The following CNIH3 variants were observed in gnomAD, a reference collection of about 807,000 sequenced individuals.
CNIH3 encodes protein cornichon homolog 3.
CNIH3 carries 14 observed loss-of-function variants against 24.1 expected under a neutral mutation model. The observed-to-expected ratio is 0.58, with a 90% CI of 0.38 to 0.91. CNIH3 has a LOEUF of 0.91. Ranked by LOEUF, CNIH3 falls within the 40% of genes least tolerant of loss-of-function variation. The pLI is 0.00. For missense variants in CNIH3, 178 were observed against 196.8 expected (o/e 0.90, Z 0.57); for synonymous variants, 68 against 73.8 (o/e 0.92, Z 0.40).
intron 1 of CNIH3, among the ~76,000 whole-genome samples, chr1:224,475,365 AAG>A (rs1445325798): frequency 2.7e-5 from 4 of 148,886 alleles, no homozygotes; most frequent in Non-Finnish European, 4.4e-5. Flanking sequence ...CAAAAAAAAA[AAG>A]AAAAGAAAAG....
chr1:224,448,739 G>T (rs921159468), intron 1 of CNIH3, among the ~76,000 whole-genome samples: 1 of 152,108 alleles, frequency 6.6e-6, no homozygotes, highest in Admixed American at 6.6e-5. Context: ...ACTTCTGTAC[G>T]CATTTACTTA....
At chr1:224,694,125 C>T (rs955709002) in intron 3 of CNIH3, among the ~76,000 whole-genome samples, 1 of 152,224 alleles carries the variant, frequency 6.6e-6, no homozygotes, top group African/African-American at 2.4e-5. Context: ...GAGAAGTTGA[C>T]AGCAGACAGA....
At chr1:224,628,485 C>T (rs901185529) in intron 1 of CNIH3, among the ~76,000 whole-genome samples, 2 of 152,078 alleles carry the variant, frequency 1.3e-5, no homozygotes, top group Non-Finnish European at 2.9e-5. Context: ...TACCTTGTCC[C>T]TCTAAACTGA....
intron 2 of CNIH3, among the ~76,000 whole-genome samples, chr1:224,535,446 T>TTTG (rs747932028): frequency 1.3e-5 from 2 of 152,354 alleles, no homozygotes; most frequent in Non-Finnish European, 2.9e-5. Flanking sequence ...CATATAGTAG[T>TTTG]TTGTTACAGC....
intron 1 of CNIH3, among the ~76,000 whole-genome samples, chr1:224,670,684 A>G (rs1685820490): frequency 6.6e-6 from 1 of 152,194 alleles, no homozygotes; most frequent in Admixed American, 6.5e-5. Flanking sequence ...AGTGTGTGCC[A>G]AGATGTGGGA....
intron 3 of CNIH3, among the ~76,000 whole-genome samples, chr1:224,605,748 T>G (rs1682390396): frequency 6.6e-6 from 1 of 151,942 alleles, no homozygotes; most frequent in African/African-American, 2.4e-5. Flanking sequence ...GCATGAGGAC[T>G]GTTTTCCACA....
chr1:224,453,655 G>C (rs1675523777), intron 1 of CNIH3, among the ~76,000 whole-genome samples: 1 of 151,260 alleles, frequency 6.6e-6, no homozygotes, highest in Non-Finnish European at 1.5e-5. Context: ...TTTAGAGATG[G>C]GTTCTTGTTA....
chr1:224,668,184 G>A (rs1044563240), intron 1 of CNIH3, among the ~76,000 whole-genome samples: 7 of 152,220 alleles, frequency 4.6e-5, no homozygotes, highest in African/African-American at 1.7e-4. Context: ...GATCAATGAT[G>A]ATGTCTCAAA....
At chr1:224,736,955 G>A (rs1689622884) in intron 5 of CNIH3, among the ~76,000 whole-genome samples, 1 of 152,176 alleles carries the variant, frequency 6.6e-6, no homozygotes, top group African/African-American at 2.4e-5. Flanking sequence ...TGGAGCCACA[G>A]ACTTCCCCTT....
chr1:224,585,222 G>A (rs1316322088), intron 5 of CNIH3, among the ~76,000 whole-genome samples: 2 of 152,034 alleles, frequency 1.3e-5, no homozygotes, highest in Admixed American at 6.6e-5. Flanking sequence ...TCCCTAGATC[G>A]AATCCTACTC....
At chr1:224,542,444 G>A (rs919863663), downstream of CNIH3, among the ~76,000 whole-genome samples, 1 of 152,168 alleles carries the variant, frequency 6.6e-6, no homozygotes, top group Non-Finnish European at 1.5e-5. Context: ...ACCAGTGTGG[G>A]TGTCTGAAGA....
At chr1:224,663,577 CACAA>C (rs1470601731) in intron 1 of CNIH3, among the ~76,000 whole-genome samples, 1 of 152,202 alleles carries the variant, frequency 6.6e-6, no homozygotes, top group Non-Finnish European at 1.5e-5. Context: ...TGTGTATACA[CACAA>C]ACAATCACTA....
chr1:224,506,287 GCACA>G (rs56331612), intron 1 of CNIH3, among the ~76,000 whole-genome samples: 6 of 147,326 alleles, frequency 4.1e-5, no homozygotes, highest in African/African-American at 1.5e-4. Context: ...GCGCGCGCGC[GCACA>G]CACACACACA....
intron 1 of CNIH3, among the ~76,000 whole-genome samples, chr1:224,659,144 A>G (rs1685228478): frequency 6.6e-6 from 1 of 152,116 alleles, no homozygotes; most frequent in Non-Finnish European, 1.5e-5. Context: ...GAATAGTTTT[A>G]ATTTCTGGCC....
chr1:224,668,180 T>C (rs1685687568), intron 1 of CNIH3, among the ~76,000 whole-genome samples: 1 of 152,228 alleles, frequency 6.6e-6, no homozygotes, highest in Admixed American at 6.5e-5. Flanking sequence ...CTTAGATCAA[T>C]GATGATGTCT....
At chr1:224,671,276 C>T (rs1476089142) in intron 1 of CNIH3, among the ~76,000 whole-genome samples, 2 of 152,212 alleles carry the variant, frequency 1.3e-5, no homozygotes, top group East Asian at 3.8e-4. Context: ...AGACTCTGGG[C>T]CTCTCCAACC....
At chr1:224,670,964 A>G (rs1018477136) in intron 1 of CNIH3, among the ~76,000 whole-genome samples, 2 of 152,238 alleles carry the variant, frequency 1.3e-5, no homozygotes, top group Non-Finnish European at 2.9e-5. Flanking sequence ...CCTCCCTAAC[A>G]TAGGTGGGCC....
At position 224,578,286 on chromosome 1, in the gene CNIH3, C is replaced by T. The variant is rs146397772; in HGVS notation, n.517-4878C>T. Among the ~76,000 whole-genome samples, 782 of 152,292 alleles carry T rather than the reference C, an allele frequency of 5.1e-3. 3 individuals are homozygous for T. Among genetic ancestry groups the T allele is most frequent in the Non-Finnish European group, 6.8e-3 (463 of 68,022 alleles). On this transcript the variant is annotated intron_variant and non_coding_transcript_variant, in intron 4 of 5. Transcript: ENST00000471578. ...TAGTTAGTTTTCTTTGTACTTACTA[C>T]TAATTTATTTCCCTAACTTGCTCCC...
intron 1 of CNIH3, among the ~76,000 whole-genome samples, chr1:224,495,685 T>C (rs1677409648): frequency 6.6e-6 from 1 of 152,104 alleles, no homozygotes; most frequent in Non-Finnish European, 1.5e-5. Context: ...TGAGCTGAGA[T>C]CCCAGGAGGA....
Sources: allele counts gnomAD v4.1 joint callset (sites outside exome capture counted in the v4.1 genomes callset), GRCh38; gene constraint gnomAD v4.1.1; transcripts MANE v1.5; gene names NCBI Gene and HGNC (gene_info 2026-07-23, HGNC 2026-07-21).